Variants in ELMO1 observed in about 807,000 individuals in gnomAD.
ELMO1 encodes engulfment and cell motility 1, also known as engulfment and cell motility protein 1.
Under a neutral mutation model 98.9 loss-of-function variants are expected in ELMO1, and 26 were observed. The ratio of observed to expected loss-of-function variants is 0.26; its 90% CI spans 0.19 to 0.36. ELMO1 has a LOEUF of 0.36. Ranked by LOEUF, ELMO1 falls within the 10% of genes least tolerant of loss-of-function variation. ELMO1 has a pLI of 1.00. For missense variants in ELMO1, 627 were observed against 935.2 expected, an observed-to-expected ratio of 0.67 and a Z score of 4.30; for synonymous variants, 346 against 346.0, an observed-to-expected ratio of 1.00 and a Z score of 0.00.
At chr7:36,975,015 C>T (rs541015327) in intron 16 of ELMO1, among the ~76,000 whole-genome samples, 4 of 152,294 alleles carry the variant, frequency 2.6e-5, no homozygotes, top group East Asian at 3.9e-4. Context: ...ACTCCAGACG[C>T]GCCACCTTAA....
chr7:36,926,370 C>T (rs948490949), intron 16 of ELMO1, among the ~76,000 whole-genome samples: 14 of 152,212 alleles, frequency 9.2e-5, no homozygotes, highest in African/African-American at 3.1e-4. Flanking sequence ...AACTCCCATC[C>T]CTCTGAAGAA....
At chr7:37,097,511 G>T (rs900453608) in intron 14 of ELMO1, among the ~76,000 whole-genome samples, 11 of 152,086 alleles carry the variant, frequency 7.2e-5, no homozygotes, top group African/African-American at 2.7e-4. Context: ...TTGAACCCGG[G>T]AAGCGGAGGT....
intron 15 of ELMO1, among the ~76,000 whole-genome samples, chr7:37,024,368 T>C (rs1008993526): frequency 5.3e-5 from 8 of 152,210 alleles, no homozygotes; most frequent in African/African-American, 1.9e-4. Flanking sequence ...ATTAAAGGGG[T>C]TAAAATAGGA....
At chr7:36,932,569 C>G (rs183872998) in intron 16 of ELMO1, among the ~76,000 whole-genome samples, 2 of 152,180 alleles carry the variant, frequency 1.3e-5, no homozygotes, top group African/African-American at 4.8e-5. Flanking sequence ...GTAAGTGAAA[C>G]AAACTAAGTG....
intron 15 of ELMO1, among the ~76,000 whole-genome samples, chr7:37,072,241 A>AC (rs1201051939): frequency 1.3e-5 from 2 of 152,106 alleles, no homozygotes; most frequent in Non-Finnish European, 2.9e-5. Context: ...TTGATTTGTA[A>AC]CCCCCACAAT....
At chr7:36,862,397 T>C (rs941927710) in intron 20 of ELMO1, among the ~76,000 whole-genome samples, 2 of 152,236 alleles carry the variant, frequency 1.3e-5, no homozygotes, top group Admixed American at 6.5e-5. Flanking sequence ...GGCTTACTCA[T>C]TGGTGAAAAC....
At chr7:37,120,360 GA>G (rs1349102157) in intron 14 of ELMO1, among the ~76,000 whole-genome samples, 4 of 152,236 alleles carry the variant, frequency 2.6e-5, no homozygotes, top group African/African-American at 9.6e-5. Context: ...AGGGGTCAGG[GA>G]ATTCCCTTTC....
At chr7:36,968,067 G>T (rs768116655) in intron 16 of ELMO1, among the ~76,000 whole-genome samples, 4 of 152,188 alleles carry the variant, frequency 2.6e-5, no homozygotes, top group Non-Finnish European at 5.9e-5. Flanking sequence ...AAAATCACTT[G>T]TAATCCTTAC....
intron 21 of ELMO1, among the ~76,000 whole-genome samples, chr7:36,858,569 T>C (rs908572438): frequency 6.6e-6 from 1 of 152,220 alleles, no homozygotes; most frequent in Non-Finnish European, 1.5e-5. Context: ...TTAAGGTTGC[T>C]ATCCGCTGAC....
In ELMO1 at chr7:36,859,526, T is replaced by C. The variant is rs530616140; in HGVS notation, c.1983+2133A>G. Among the ~76,000 whole-genome samples, 4 of 152,292 alleles carry C rather than the reference T, an allele frequency of 2.6e-5. No individual in the cohort carries two copies. In the East Asian group the frequency reaches 7.7e-4, roughly 29 times the overall value. ...GCCTGCCAGGAATGTGCGAGCTCAG[T>C]GTCTGCTCTTTCTCTTCCTAGCTCC... is the stretch of plus-strand genomic sequence containing the variant. On this transcript the variant is annotated intron_variant, in intron 21 of 21. Coordinates refer to ENST00000310758, the MANE Select transcript of ELMO1 (RefSeq NM_014800.11).
intron 15 of ELMO1, among the ~76,000 whole-genome samples, chr7:37,071,550 C>G (rs938050303): frequency 2.0e-5 from 3 of 152,124 alleles, no homozygotes; most frequent in African/African-American, 7.2e-5. Flanking sequence ...AATTCAACTC[C>G]AGAGAGAGCT....
Position 37,399,744 on chromosome 7 carries a change from G to A in ELMO1, c.-74+48931C>T, listed in dbSNP as rs1803447285. ...AGCATCATTACTGCTATATCTTTAGGGGAGATTACATGATCTTCAAGGGAC... is the reference window on the plus strand; with the variant it reads ...AGCATCATTACTGCTATATCTTTAGAGGAGATTACATGATCTTCAAGGGAC... On this transcript the variant is annotated intron_variant, in intron 1 of 21. Transcript: ENST00000310758. Among the ~76,000 whole-genome samples, 3 of 152,180 alleles carry A rather than the reference G, an allele frequency of 2.0e-5. No homozygotes were observed. In the South Asian group the frequency reaches 6.2e-4, roughly 32 times the overall value.
intron 5 of ELMO1, 106 bp from the exon 6 acceptor site, chr7:37,259,456 G>A (rs1795868382): frequency 2.4e-6 from 3 of 1,270,916 alleles, no homozygotes; most frequent in Non-Finnish European, 3.3e-6. Context: ...AAAAGCGCAA[G>A]ACTATCTGCA....
At position 37,351,927 on chromosome 7, in the gene ELMO1, T is replaced by C. The variant is rs149763749; in HGVS notation, c.-73-9164A>G. Among the ~76,000 whole-genome samples the C allele has an allele frequency of 3.1e-3, 467 of 152,348 alleles. 1 individual carries two copies. The highest frequency in any genetic ancestry group is 0.011 in the African/African-American group (440 of 41,582). On this transcript the variant is annotated intron_variant, in intron 1 of 21. Transcript: ENST00000310758. ...GCCTGCCTTTCCTCTGTGGGACTGC[T>C]ATCAGAAGTCACGCATGGATTGCAA...
chr7:37,339,465 A>G (rs1800600850), intron 2 of ELMO1, among the ~76,000 whole-genome samples: 1 of 152,252 alleles, frequency 6.6e-6, no homozygotes, highest in African/African-American at 2.4e-5. Flanking sequence ...AATAGCAGCT[A>G]TCCAGGCTAA....
intron 1 of ELMO1, among the ~76,000 whole-genome samples, chr7:37,444,421 T>C (rs907661629): frequency 6.6e-6 from 1 of 152,250 alleles, no homozygotes; most frequent in Non-Finnish European, 1.5e-5. Flanking sequence ...ACTGCCTTTC[T>C]GCATCACTAA....
At chr7:37,326,209 CT>C (rs1202266825) in intron 2 of ELMO1, among the ~76,000 whole-genome samples, 1 of 152,116 alleles carries the variant, frequency 6.6e-6, no homozygotes, top group Non-Finnish European at 1.5e-5. Flanking sequence ...ACAAAGGGGG[CT>C]TACAGCAACC....
intron 13 of ELMO1, among the ~76,000 whole-genome samples, chr7:37,139,141 A>G (rs768290662): frequency 1.3e-5 from 2 of 152,204 alleles, no homozygotes; most frequent in Non-Finnish European, 2.9e-5. Context: ...AAAAGGTGGA[A>G]GCATTCCCCC....
chr7:36,873,011 T>C (rs538728741), intron 19 of ELMO1, among the ~76,000 whole-genome samples: 2 of 152,284 alleles, frequency 1.3e-5, no homozygotes, highest in South Asian at 2.1e-4. Context: ...GAATCTCTAA[T>C]AGAAAGGCTT....
Sources: allele counts gnomAD v4.1 joint callset (sites outside exome capture counted in the v4.1 genomes callset), GRCh38; gene constraint gnomAD v4.1.1; transcripts MANE v1.5; gene names NCBI Gene and HGNC (gene_info 2026-07-23, HGNC 2026-07-21).